PHLDB2: variants seen among roughly 807,000 people sequenced by gnomAD.
PHLDB2 encodes pleckstrin homology-like domain family B member 2.
Under a neutral mutation model 123.6 loss-of-function variants are expected in PHLDB2, and 71 were observed. That is an observed-to-expected ratio of 0.57 (90% confidence interval 0.47 to 0.70). PHLDB2 has a LOEUF of 0.70. PHLDB2 is among the 30% of genes least tolerant of loss of function. The pLI, the probability that PHLDB2 is intolerant of heterozygous loss-of-function variation, is 0.00. For synonymous variants in PHLDB2, 547 were observed against 541.6 expected (o/e 1.01, Z -0.14); for missense variants, 1,446 against 1,519.5 (o/e 0.95, Z 0.80).
At chr3:111,957,582 T>A (rs1159389040) in intron 12 of PHLDB2, 1 of 152,230 alleles carries the variant, frequency 6.6e-6, no homozygotes, top group Non-Finnish European at 1.5e-5. Flanking sequence ...GGTATTGTGA[T>A]GTATATGAGC....
intron 10 of PHLDB2, among the ~76,000 whole-genome samples, chr3:111,952,031 C>G (rs1435499804): frequency 6.6e-6 from 1 of 152,122 alleles, no homozygotes; most frequent in Non-Finnish European, 1.5e-5. Context: ...TGGCCAAGAT[C>G]TTTTTAAAAA....
At chr3:111,897,814 G>A (rs2066958647) in intron 2 of PHLDB2, among the ~76,000 whole-genome samples, 1 of 152,164 alleles carries the variant, frequency 6.6e-6, no homozygotes, top group Non-Finnish European at 1.5e-5. Context: ...TTGGGAGAAA[G>A]GAAAATATTC....
chr3:111,834,874 T>G (rs2063329227), intron 1 of PHLDB2, among the ~76,000 whole-genome samples: 1 of 152,120 alleles, frequency 6.6e-6, no homozygotes, highest in Admixed American at 6.5e-5. Context: ...CTAACATTCT[T>G]GGACACTGAC....
At chr3:111,752,433 A>C (rs144454546) in intron 1 of PHLDB2, among the ~76,000 whole-genome samples, 26 of 152,252 alleles carry the variant, frequency 1.7e-4, no homozygotes, top group African/African-American at 6.0e-4. Context: ...TTAATATTTT[A>C]TTACTTGACA....
Position 111,884,791 on chromosome 3 carries a change from T to C in PHLDB2, c.714T>C (p.Thr238=). Residue 238 remains threonine (T), a synonymous_variant, in exon 2 of 18, where the codon ACT becomes ACC. Coordinates refer to ENST00000431670, the MANE Select transcript of PHLDB2 (RefSeq NM_001134438.2). Reference sequence around the variant, plus strand: ...CATCTGAAAACATCAATTTGAGAACTAGGAAGTACTCCAGCAGCAGCCTGA... The same window carrying C: ...CATCTGAAAACATCAATTTGAGAACCAGGAAGTACTCCAGCAGCAGCCTGA... ...ELASENINLR[T]RKYSSSSLSH... is the part of the protein sequence containing the mutation. 6.2e-7 allele frequency: 1 copy of C among 1,613,950 alleles called. No individual in the cohort carries two copies. The highest frequency in any genetic ancestry group is 8.5e-7 in the Non-Finnish European group (1 of 1,179,984).
At position 111,969,813 on chromosome 3, in the gene PHLDB2, C is replaced by T. The variant is rs766463045; in HGVS notation, c.3439C>T (p.Arg1147Ter). 12 of 1,613,854 alleles carry T rather than the reference C, an allele frequency of 7.4e-6. No individual in the cohort carries two copies. The African/African-American group carries it at 8.0e-5, about 11-fold the overall frequency. The stretch of plus-strand genomic sequence containing the variant: ...TGTATCAATCACAGAGAAGACCTGC[C>T]GAGGATTCCTCATCAAAATGGGTGG... ...YHVSITEKTC[R>*]GFLIKMGGKI... The change falls in exon 16 of 18, where the codon CGA becomes TGA. Residue 1147 changes from arginine to a stop codon, truncating the protein, a stop_gained. Transcript: ENST00000431670. LOFTEE classifies it high-confidence loss of function.
chr3:111,825,231 C>A (rs1458157189), intron 1 of PHLDB2, among the ~76,000 whole-genome samples: 1 of 152,210 alleles, frequency 6.6e-6, no homozygotes, highest in Non-Finnish European at 1.5e-5. Context: ...GTGACTTTGA[C>A]AAGCTGGATC....
chr3:111,885,694 G>T (rs1283007), intron 2 of PHLDB2: 8,880 of 617,862 alleles, frequency 0.014, 450 homozygotes, highest in African/African-American at 0.12. Context: ...AGAGGAGTTG[G>T]GAATTTTATG....
intron 1 of PHLDB2, among the ~76,000 whole-genome samples, chr3:111,882,680 C>G (rs1406682884): frequency 6.6e-6 from 1 of 152,140 alleles, no homozygotes; most frequent in African/African-American, 2.4e-5. Context: ...TGGCCCATCA[C>G]CAGGATTTAT....
rs113529466 is a variant in PHLDB2, at chr3:111,966,520, T to G, written c.3078-93T>G. Reference sequence around the variant, plus strand: ...GACCCCATGTGTGTGTGTGTGTGTGTGTCTGGGGTGTGTGTGTGTGTGTGT... The same window carrying G: ...GACCCCATGTGTGTGTGTGTGTGTGGGTCTGGGGTGTGTGTGTGTGTGTGT... On this transcript the variant is annotated intron_variant, in intron 13 of 17. Coordinates refer to ENST00000431670, the MANE Select transcript of PHLDB2 (RefSeq NM_001134438.2). The G allele has an allele frequency of 4.2e-3, 1,982 of 477,394 alleles. 25 individuals carry two copies. In the African/African-American group the frequency reaches 0.062, roughly 15 times the overall value. 29.6% of individuals were successfully genotyped at this position (477,394 alleles called of 1,614,324 possible).
At chr3:111,939,915 T>C (rs1420850876) in intron 7 of PHLDB2, among the ~76,000 whole-genome samples, 2 of 152,244 alleles carry the variant, frequency 1.3e-5, no homozygotes, top group Non-Finnish European at 2.9e-5. Context: ...TTTGCAATCA[T>C]AGTAACTGGG....
intron 1 of PHLDB2, among the ~76,000 whole-genome samples, chr3:111,782,752 G>C (rs1004595741): frequency 6.6e-6 from 1 of 152,020 alleles, no homozygotes; most frequent in Non-Finnish European, 1.5e-5. Flanking sequence ...TTCCATGAAG[G>C]CAACAACCCT....
chr3:111,913,726 C>A lies in PHLDB2; in HGVS notation c.1719+24C>A, dbSNP rs1468611061. 2.5e-6 allele frequency: 4 copies of A among 1,586,478 alleles called. No individual in the cohort carries two copies. In the Admixed American group the frequency reaches 6.7e-5, roughly 27 times the overall value. Reference sequence around the variant, plus strand: ...AGGTAATGTTGGCCCAGCAAAGATACTAGGATTTAAGGTCTAGGGCTGTGC... The same window carrying A: ...AGGTAATGTTGGCCCAGCAAAGATAATAGGATTTAAGGTCTAGGGCTGTGC... On this transcript the variant is annotated intron_variant, in intron 3 of 17. Transcript: ENST00000431670.
At chr3:111,970,733 G>C (rs2072117527) in intron 16 of PHLDB2, among the ~76,000 whole-genome samples, 1 of 152,010 alleles carries the variant, frequency 6.6e-6, no homozygotes. Context: ...TTTCTTTGCA[G>C]CTGCTAAAAA....
At chr3:111,899,084 G>A (rs563568959) in intron 2 of PHLDB2, among the ~76,000 whole-genome samples, 1 of 152,084 alleles carries the variant, frequency 6.6e-6, no homozygotes, top group African/African-American at 2.4e-5. Flanking sequence ...ACTACCTATG[G>A]CAACTATAGC....
chr3:111,947,653 G>A (rs1192256383), intron 9 of PHLDB2, among the ~76,000 whole-genome samples: 2 of 152,050 alleles, frequency 1.3e-5, no homozygotes, highest in South Asian at 2.1e-4. Context: ...ACTCAAAATT[G>A]TTCATTTTCT....
intron 10 of PHLDB2, among the ~76,000 whole-genome samples, chr3:111,951,553 ATC>A (rs2070719881): frequency 2.2e-4 from 33 of 152,164 alleles, no homozygotes; most frequent in Admixed American, 1.8e-3. Context: ...CTTCAAAATG[ATC>A]AGACCTAAAA....
intron 1 of PHLDB2, among the ~76,000 whole-genome samples, chr3:111,804,206 A>G (rs554705973): frequency 3.3e-5 from 5 of 152,276 alleles, no homozygotes; most frequent in Admixed American, 6.5e-5. Context: ...CCAAGAACCA[A>G]TTTTCACCCT....
intron 2 of PHLDB2, among the ~76,000 whole-genome samples, chr3:111,898,156 ATTTC>A (rs1465545809): frequency 1.5e-5 from 2 of 136,662 alleles, no homozygotes; most frequent in Non-Finnish European, 3.1e-5. Flanking sequence ...GGCTGTGGCA[ATTTC>A]TTTGTGTGTG....
Sources: allele counts gnomAD v4.1 joint callset (sites outside exome capture counted in the v4.1 genomes callset), GRCh38; gene constraint gnomAD v4.1.1; transcripts MANE v1.5; gene names NCBI Gene and HGNC (gene_info 2026-07-23, HGNC 2026-07-21).